SRGAP1: variants seen among roughly 807,000 people sequenced by gnomAD.
SRGAP1 encodes SLIT-ROBO Rho GTPase-activating protein 1.
A neutral mutation model predicts 121.9 loss-of-function variants in SRGAP1; 43 were observed. The observed-to-expected ratio is 0.35, with a 90% confidence interval of 0.28 to 0.46. The LOEUF is 0.46. Among genes scored for constraint, SRGAP1 ranks in the 20% least tolerant of loss-of-function variants. The pLI, the probability that SRGAP1 is intolerant of heterozygous loss-of-function variation, is 1.00. For missense variants in SRGAP1, 1,102 were observed against 1,350.9 expected (o/e 0.82, Z 2.89); for synonymous variants, 447 against 485.4 (o/e 0.92, Z 1.04).
chr12:64,108,864 G>A, intron 15 of SRGAP1, 68 bp from the exon 16 acceptor site: 1 of 1,094,624 alleles, frequency 9.1e-7, no homozygotes, highest in Non-Finnish European at 1.3e-6. Context: ...GGTAATACAT[G>A]TACTGCAGTG....
At chr12:63,881,339 C>G (rs1900188343) in intron 1 of SRGAP1, among the ~76,000 whole-genome samples, 1 of 152,180 alleles carries the variant, frequency 6.6e-6, no homozygotes, top group Non-Finnish European at 1.5e-5. Context: ...CAGAATTTCA[C>G]CTGCGTAATA....
At chr12:64,063,216 T>C in intron 7 of SRGAP1, 78 bp downstream of exon 7, 1 of 1,294,166 alleles carries the variant, frequency 7.7e-7, no homozygotes, top group Non-Finnish European at 1.1e-6. Flanking sequence ...ATCTAACAGT[T>C]GTAATAATTC....
At chr12:64,033,202 A>C (rs2034821552) in intron 4 of SRGAP1, among the ~76,000 whole-genome samples, 2 of 151,930 alleles carry the variant, frequency 1.3e-5, no homozygotes, top group South Asian at 4.1e-4. Context: ...TCATTTGGTT[A>C]CTTGGCAGTC....
intron 3 of SRGAP1, among the ~76,000 whole-genome samples, chr12:63,991,034 A>AT (rs113202533): frequency 7.9e-5 from 12 of 152,280 alleles, no homozygotes; most frequent in African/African-American, 2.9e-4. Context: ...ACTCTCAGCA[A>AT]TTTTTTTGTT....
intron 1 of SRGAP1, among the ~76,000 whole-genome samples, chr12:63,917,424 A>G (rs2030835637): frequency 6.6e-6 from 1 of 152,112 alleles, no homozygotes; most frequent in Non-Finnish European, 1.5e-5. Context: ...GGTGGAAAAT[A>G]TAGGTCAGTT....
chr12:63,878,143 A>T (rs1900085677), intron 1 of SRGAP1, among the ~76,000 whole-genome samples: 2 of 152,200 alleles, frequency 1.3e-5, no homozygotes, highest in Admixed American at 1.3e-4. Context: ...CTAATGCCTG[A>T]AATGCGATTG....
intron 4 of SRGAP1, among the ~76,000 whole-genome samples, chr12:64,034,018 A>G (rs1433322936): frequency 6.6e-6 from 1 of 152,110 alleles, no homozygotes; most frequent in African/African-American, 2.4e-5. Context: ...ACAGAGTGAG[A>G]CTCTGTCTCA....
chr12:64,097,560 C>G, intron 15 of SRGAP1, 185 bp downstream of exon 15: 1 of 559,904 alleles, frequency 1.8e-6, no homozygotes, highest in Non-Finnish European at 2.9e-6. Context: ...GCCTCACCCT[C>G]GGCTGAGTGG....
rs760333716 is a variant in SRGAP1, at chr12:64,042,992, A to G, written c.672+20A>G. The G allele has an allele frequency of 6.4e-7, 1 of 1,573,588 alleles. No individual in the cohort carries two copies. The highest frequency in any genetic ancestry group is 1.1e-5 in the South Asian group (1 of 89,144). ...GAAAAAGTAAGTAAAGAGATTGCAG[A>G]GCTCTTCTGCCTTCATTTGAGGAGA... On this transcript the variant is annotated intron_variant, in intron 5 of 21. Transcript: ENST00000355086.
rs1176296833 is a variant in SRGAP1, at chr12:63,939,402, T to G, written c.68-44545T>G. The stretch of plus-strand genomic sequence containing the variant: ...AATGGCAAGTGTCCTATAAGATATT[T>G]GCAATATACTGTTTTTGCTTCAGAA... On this transcript the variant is annotated intron_variant, in intron 1 of 21. Coordinates refer to ENST00000355086, the MANE Select transcript of SRGAP1 (RefSeq NM_020762.4). 2.0e-5 allele frequency among the ~76,000 whole-genome samples: 3 copies of G among 152,168 alleles called. No individual in the cohort carries two copies. In the East Asian group the frequency reaches 5.8e-4, roughly 29 times the overall value.
Position 64,089,401 on chromosome 12 carries a change from G to T in SRGAP1, c.1437-1875G>T, listed in dbSNP as rs1593116992. 2.0e-5 allele frequency among the ~76,000 whole-genome samples: 3 copies of T among 152,272 alleles called. No homozygotes were observed. In the South Asian group the frequency reaches 6.2e-4, roughly 32 times the overall value. ...CTGACCCACCCCGGTGCTTCCTTCT[G>T]TGGCCTCCCTGGTGGTGGGGCACAT... On this transcript the variant is annotated intron_variant, in intron 11 of 21. Coordinates refer to ENST00000355086, the MANE Select transcript of SRGAP1 (RefSeq NM_020762.4).
At position 64,152,944 on chromosome 12, in the gene SRGAP1, A is replaced by C. The variant is rs993573944; in HGVS notation, c.*10272A>C. 3.3e-5 allele frequency: 5 copies of C among 151,206 alleles called. No homozygotes were observed. Among genetic ancestry groups the C allele is most frequent in the Admixed American group, 1.3e-4 (2 of 15,148 alleles). The allele number at this position is 151,206 out of a possible 1,614,324, so 9.4% of individuals were successfully genotyped here. On this transcript the variant is annotated 3_prime_UTR_variant, in exon 22 of 22. Coordinates refer to ENST00000355086, the MANE Select transcript of SRGAP1 (RefSeq NM_020762.4). ...AAAAAAAAAAAAAAAAAACCACTACATAAGCCAACAGCTAAACCGGCAAAA... is the reference window on the plus strand; with the variant it reads ...AAAAAAAAAAAAAAAAAACCACTACCTAAGCCAACAGCTAAACCGGCAAAA...
intron 18 of SRGAP1, among the ~76,000 whole-genome samples, chr12:64,123,683 T>G (rs1194583397): frequency 1.5e-4 from 22 of 151,244 alleles, no homozygotes; most frequent in African/African-American, 2.9e-4. Context: ...TTTATTTATT[T>G]ATTTTTATAG....
At chr12:64,117,677 C>T (rs1188509835) in intron 18 of SRGAP1, among the ~76,000 whole-genome samples, 1 of 152,048 alleles carries the variant, frequency 6.6e-6, no homozygotes, top group African/African-American at 2.4e-5. Flanking sequence ...ACCATAGGTA[C>T]AGTGTTATAC....
chr12:64,006,625 G>T (rs1195675250), intron 3 of SRGAP1, among the ~76,000 whole-genome samples: 1 of 152,130 alleles, frequency 6.6e-6, no homozygotes, highest in Admixed American at 6.5e-5. Context: ...AACTTGTCTT[G>T]GGGAACCTGA....
chr12:63,987,152 G>T (rs1183023404), intron 2 of SRGAP1, among the ~76,000 whole-genome samples: 1 of 152,174 alleles, frequency 6.6e-6, no homozygotes, highest in African/African-American at 2.4e-5. Flanking sequence ...CCCAGGATAT[G>T]CACTTGATAT....
intron 21 of SRGAP1, 86 bp downstream of exon 21, chr12:64,128,286 C>A (rs975489874): frequency 8.2e-7 from 1 of 1,221,104 alleles, no homozygotes; most frequent in Non-Finnish European, 1.1e-6. Context: ...TTACTTTTTA[C>A]TTTATTTACT....
At chr12:64,096,395 TTAGAA>T (rs1189498230) in intron 14 of SRGAP1, among the ~76,000 whole-genome samples, 1 of 152,196 alleles carries the variant, frequency 6.6e-6, no homozygotes, top group Non-Finnish European at 1.5e-5. Context: ...TTTGTGAACT[TTAGAA>T]GAGAAGCATA....
intron 18 of SRGAP1, among the ~76,000 whole-genome samples, chr12:64,125,300 TG>T (rs1440708103): frequency 6.6e-6 from 1 of 152,222 alleles, no homozygotes; most frequent in Non-Finnish European, 1.5e-5. Context: ...ATTTTGCATC[TG>T]TTTTTTTAAT....
Sources: gnomAD v4.1 joint callset for allele counts (sites outside exome capture counted in the v4.1 genomes callset) on GRCh38, gnomAD v4.1.1 for gene constraint, MANE v1.5 for transcripts, NCBI Gene and HGNC (gene_info 2026-07-23, HGNC 2026-07-21) for gene names.